Variants in ABCC9 observed in about 807,000 individuals in gnomAD.
The protein encoded by ABCC9 is ATP binding cassette subfamily C member 9, also known as ATP-binding cassette sub-family C member 9.
Under a neutral mutation model 188.3 loss-of-function variants are expected in ABCC9, and 95 were observed. The observed-to-expected ratio is 0.50, with a 90% CI of 0.43 to 0.60. The LOEUF (loss-of-function observed/expected upper bound fraction) is 0.60. Among genes scored for constraint, ABCC9 ranks in the 20% least tolerant of loss-of-function variants. The probability of loss-of-function intolerance (pLI) is 0.00; values close to 1 mark genes in which losing one functional copy is unlikely to be tolerated. For synonymous variants in ABCC9, 659 were observed against 652.7 expected (o/e 1.01, Z -0.15); for missense variants, 1,102 against 1,876.3 (o/e 0.59, Z 7.62).
At chr12:21,825,018 G>A (rs1014425704) in intron 31 of ABCC9, among the ~76,000 whole-genome samples, 1 of 151,876 alleles carries the variant, frequency 6.6e-6, no homozygotes, top group African/African-American at 2.4e-5. Context: ...GGTTTTTCAT[G>A]TCTCTATCTC....
chr12:21,862,651 C>T (rs931897915), intron 20 of ABCC9, among the ~76,000 whole-genome samples: 3 of 151,988 alleles, frequency 2.0e-5, no homozygotes, highest in Admixed American at 6.6e-5. Flanking sequence ...ATCTTCTCAC[C>T]AACAACCTAA....
chr12:21,845,549 T>C, intron 26 of ABCC9, 54 bp downstream of exon 26: 1 of 1,412,356 alleles, frequency 7.1e-7, no homozygotes, highest in Non-Finnish European at 1.0e-6. Context: ...AAGGTATCAC[T>C]GTTAATCTCA....
At chr12:21,813,646 C>G (rs1409412047) in intron 35 of ABCC9, among the ~76,000 whole-genome samples, 1 of 152,066 alleles carries the variant, frequency 6.6e-6, no homozygotes, top group East Asian at 1.9e-4. Flanking sequence ...TGCCTTATAA[C>G]TTTAATCCCA....
chr12:21,808,013 G>A (rs1941975543), intron 37 of ABCC9, among the ~76,000 whole-genome samples: 1 of 151,902 alleles, frequency 6.6e-6, no homozygotes, highest in Non-Finnish European at 1.5e-5. Flanking sequence ...ACACACTGTT[G>A]TATGGATAAA....
intron 29 of ABCC9, among the ~76,000 whole-genome samples, chr12:21,840,423 A>G (rs1592039947): frequency 1.3e-5 from 2 of 152,232 alleles, no homozygotes; most frequent in East Asian, 3.8e-4. Flanking sequence ...CATCCTCTCC[A>G]TACTTTAGTC....
chr12:21,815,965 A>C, intron 33 of ABCC9, 72 bp from the exon 34 acceptor site: 1 of 1,205,016 alleles, frequency 8.3e-7, no homozygotes, highest in South Asian at 1.2e-5. Context: ...ATGTATACAT[A>C]CTTAAATACA....
At chr12:21,933,720 C>T (rs1949375745) in intron 4 of ABCC9, 62 bp downstream of exon 4, 11 of 1,584,886 alleles carry the variant, frequency 6.9e-6, no homozygotes, top group Middle Eastern at 1.7e-4. Flanking sequence ...AAGATGTGAA[C>T]TTGTGTAATC....
chr12:21,873,936 C>T (rs1946206595), intron 17 of ABCC9, among the ~76,000 whole-genome samples: 1 of 152,016 alleles, frequency 6.6e-6, no homozygotes, highest in African/African-American at 2.4e-5. Flanking sequence ...AACTTCTTGG[C>T]ATTGAACTTG....
At chr12:21,877,254 CA>C (rs1477342907) in intron 16 of ABCC9, among the ~76,000 whole-genome samples, 2 of 152,192 alleles carry the variant, frequency 1.3e-5, no homozygotes, top group African/African-American at 4.8e-5. Context: ...AGGGGACACA[CA>C]GACACTAAGT....
intron 22 of ABCC9, among the ~76,000 whole-genome samples, chr12:21,857,678 G>A (rs770677733): frequency 2.0e-5 from 3 of 152,098 alleles, no homozygotes; most frequent in Non-Finnish European, 2.9e-5. Context: ...AGGAAGACGT[G>A]ACTATGTAAA....
intron 7 of ABCC9, among the ~76,000 whole-genome samples, chr12:21,915,267 A>AATGTGTATATGTATGTATGTATATAC (rs1555116009): frequency 2.2e-5 from 2 of 89,150 alleles, no homozygotes; most frequent in Non-Finnish European, 4.3e-5. Context: ...GTGTGTATAT[A>AATGTGTATATGTATGTATGTATATAC]ATGTGTATAT....
At chr12:21,812,179 T>A (rs1181617472) in intron 35 of ABCC9, 22 bp from the exon 36 acceptor site, 1 of 1,378,910 alleles carries the variant, frequency 7.3e-7, no homozygotes, top group South Asian at 1.2e-5. Flanking sequence ...AAACAGAAGT[T>A]ACACACACAT....
chr12:21,833,931 A>T (rs1007167165), intron 30 of ABCC9, among the ~76,000 whole-genome samples: 9 of 152,076 alleles, frequency 5.9e-5, no homozygotes, highest in African/African-American at 2.2e-4. Flanking sequence ...AATAGTAAAA[A>T]AGCTCCTCCT....
chr12:21,868,436 G>A (rs898126005), intron 18 of ABCC9, among the ~76,000 whole-genome samples: 1 of 152,126 alleles, frequency 6.6e-6, no homozygotes, highest in Non-Finnish European at 1.5e-5. Flanking sequence ...TCAGGAGATC[G>A]AGACCATCCT....
Position 21,799,814 on chromosome 12 carries a change from A to G in ABCC9, c.*1230T>C, listed in dbSNP as rs1250809293. ...ACTGGATGGGCACAGAATAGTAGAA[A>G]CTGGTTGCTAACGTGACAAAGAAGG... On this transcript the variant is annotated 3_prime_UTR_variant, in exon 40 of 40. Transcript: ENST00000261200. 6.6e-6 allele frequency: 1 copy of G among 152,198 alleles called. No homozygotes were observed. Among genetic ancestry groups the G allele is most frequent in the Non-Finnish European group, 1.5e-5 (1 of 68,034 alleles). 9.4% of individuals were successfully genotyped at this position (152,198 alleles called of 1,614,324 possible). A position where few individuals can be genotyped will look rare whatever the true frequency, so the allele number is the denominator to read the frequency against.
In ABCC9 at chr12:21,852,195, G is replaced by A. The variant is rs1472667431; in HGVS notation, c.2671C>T (p.Leu891=). The part of the protein sequence containing the change: ...WIIAMKDGSV[L]REGTLKDIQT... ...ATGTCCTTCAAAGTTCCTTCTCTTA[G>A]GACACTTCCATCTTTCATGGCTATG... Residue 891 remains leucine (L), a synonymous_variant, in exon 24 of 40, where the codon CTA becomes TTA. Transcript: ENST00000261200. The A allele has an allele frequency of 1.2e-6, 2 of 1,613,544 alleles. No homozygotes were observed. Among genetic ancestry groups the A allele is most frequent in the African/African-American group, 2.7e-5 (2 of 74,862 alleles).
At chr12:21,834,323 A>G (rs1334073484) in intron 30 of ABCC9, among the ~76,000 whole-genome samples, 1 of 152,160 alleles carries the variant, frequency 6.6e-6, no homozygotes. Context: ...GTTCTGCCCT[A>G]TTAAGTATTA....
intron 30 of ABCC9, among the ~76,000 whole-genome samples, chr12:21,832,830 T>C (rs1943850970): frequency 1.3e-5 from 2 of 152,160 alleles, no homozygotes; most frequent in African/African-American, 4.8e-5. Flanking sequence ...CACACATGTT[T>C]ATAGCAGCAC....
chr12:21,836,246 T>G (rs1423418191), intron 30 of ABCC9, among the ~76,000 whole-genome samples: 1 of 152,166 alleles, frequency 6.6e-6, no homozygotes, highest in South Asian at 2.1e-4. Context: ...ATCACTTTCC[T>G]GCTCAAAATT....
Sources: allele counts gnomAD v4.1 joint callset (sites outside exome capture counted in the v4.1 genomes callset), GRCh38; gene constraint gnomAD v4.1.1; transcripts MANE v1.5; gene names NCBI Gene and HGNC (gene_info 2026-07-23, HGNC 2026-07-21).